The following PCDHGA6 variants were observed in gnomAD, a reference collection of about 807,000 sequenced individuals.
PCDHGA6 encodes the protein protocadherin gamma subfamily A, 6, also known as protocadherin gamma-A6.
Under a neutral mutation model 60.6 loss-of-function variants are expected in PCDHGA6, and 41 were observed. The observed-to-expected ratio is 0.68, with a 90% CI of 0.53 to 0.88. PCDHGA6 has a LOEUF of 0.88. Among genes scored for constraint, PCDHGA6 ranks in the 40% least tolerant of loss-of-function variants. The pLI, the probability that PCDHGA6 is intolerant of heterozygous loss-of-function variation, is 0.00. For missense variants in PCDHGA6, 1,312 were observed against 1,203.0 expected (o/e 1.09, Z -1.34); for synonymous variants, 594 against 524.4 (o/e 1.13, Z -1.81).
In PCDHGA6 at chr5:141,476,839, G is replaced by T; in HGVS notation, c.2425-17968G>T. The T allele has an allele frequency of 1.9e-6, 3 of 1,613,610 alleles. No individual in the cohort carries two copies. Among genetic ancestry groups the T allele is most frequent in the East Asian group, 2.2e-5 (1 of 44,862 alleles). ...AGGTGCTGGACGCGAATGACAATGC[G>T]CCTGTCTTCAACCAGTCCTTGTACC... On this transcript the variant is annotated intron_variant, in intron 1 of 3. Coordinates refer to ENST00000517434, the MANE Select transcript of PCDHGA6 (RefSeq NM_018919.3). This position sits in a 1 kb window ranked among gnomAD's most constrained non-coding sequence, Gnocchi z 7.6.
rs376213960 is a variant in PCDHGA6, at chr5:141,376,311, T to C, written c.2228T>C (p.Val743Ala). 1.8e-5 allele frequency: 29 copies of C among 1,613,880 alleles called. No homozygotes were observed. The highest frequency in any genetic ancestry group is 2.4e-5 in the Non-Finnish European group (28 of 1,180,020). The change falls in exon 1 of 4, where the codon GTG becomes GCG. Residue 743 changes from valine (V) to alanine (A), a missense_variant. Physicochemically the swap from Val to Ala is moderately conservative, Grantham distance 64. Coordinates refer to ENST00000517434, the MANE Select transcript of PCDHGA6 (RefSeq NM_018919.3). ...ASMPGSHFVG[V>A]EGVRAFLQTY... ...ATGCCCGGCTCGCACTTTGTGGGCGTGGAAGGGGTTCGGGCTTTCCTGCAG... is the reference window on the plus strand; with the variant it reads ...ATGCCCGGCTCGCACTTTGTGGGCGCGGAAGGGGTTCGGGCTTTCCTGCAG...
intron 2 of PCDHGA6, among the ~76,000 whole-genome samples, chr5:141,498,747 C>T (rs1363145286): frequency 6.6e-6 from 1 of 152,106 alleles, no homozygotes; most frequent in Non-Finnish European, 1.5e-5. Context: ...GCCTGGCCAA[C>T]ATGATGAAAC....
chr5:141,500,680 T>C (rs999167635), intron 2 of PCDHGA6, among the ~76,000 whole-genome samples: 7 of 152,224 alleles, frequency 4.6e-5, no homozygotes, highest in Non-Finnish European at 7.3e-5. Context: ...AACAGAATTA[T>C]AGCTTTTTTC....
At position 141,390,867 on chromosome 5, in the gene PCDHGA6, CGTGT is replaced by C. The variant is rs61319619; in HGVS notation, c.2424+14378_2424+14381del. The C allele has an allele frequency of 5.1e-4, 77 of 151,148 alleles. No homozygotes were observed. The East Asian group carries it at 6.0e-3, about 12-fold the overall frequency. 9.4% of individuals were successfully genotyped at this position (151,148 alleles called of 1,614,324 possible). A position where few individuals can be genotyped will look rare whatever the true frequency, so the allele number is the denominator to read the frequency against. On this transcript the variant is annotated intron_variant, in intron 1 of 3. Coordinates refer to ENST00000517434, the MANE Select transcript of PCDHGA6 (RefSeq NM_018919.3). ...TTATATGCAGTGTACGCTGTGTGTG[CGTGT>C]GTGTGTGTGTGTGTGTGAGAGAGAT...
intron 3 of PCDHGA6, among the ~76,000 whole-genome samples, chr5:141,505,793 GGACTTGGATC>G (rs2099848390): frequency 6.6e-6 from 1 of 152,142 alleles, no homozygotes; most frequent in Non-Finnish European, 1.5e-5. Flanking sequence ...ACTATCCTTG[GGACTTGGATC>G]GACTTGCTCA....
At position 141,491,660 on chromosome 5, in the gene PCDHGA6, C is replaced by G; in HGVS notation, c.2425-3147C>G. 6.2e-7 allele frequency: 1 copy of G among 1,613,810 alleles called. No individual in the cohort carries two copies. ...ACAGCTCTGGCGCTGGAGCCTGACG[C>G]CATCCGGTCCCGCTCTAATACGCTG... is the stretch of plus-strand genomic sequence containing the variant. On this transcript the variant is annotated intron_variant, in intron 1 of 3. Transcript: ENST00000517434. The surrounding 1 kb of genome is among the most constrained non-coding windows in gnomAD (Gnocchi z 6.9).
rs542248328 is a variant in PCDHGA6, at chr5:141,432,682, C to T, written c.2424+56175C>T. ...TGGACAGAGACGCGCTCAAGCAGAG[C>T]CTCGTAGTGGCCGTCCAGGACCACG... On this transcript the variant is annotated intron_variant, in intron 1 of 3. Coordinates refer to ENST00000517434, the MANE Select transcript of PCDHGA6 (RefSeq NM_018919.3). This position sits in a 1 kb window ranked among gnomAD's most constrained non-coding sequence, Gnocchi z 6.0. The T allele has an allele frequency of 6.5e-5, 105 of 1,613,976 alleles. No homozygotes were observed. In the African/African-American group the frequency reaches 1.1e-3, roughly 17 times the overall value.
chr5:141,432,964 G>A lies in PCDHGA6; in HGVS notation c.2424+56457G>A, dbSNP rs2097554835. On this transcript the variant is annotated intron_variant, in intron 1 of 3. Transcript: ENST00000517434. This position sits in a 1 kb window ranked among gnomAD's most constrained non-coding sequence, Gnocchi z 6.0. Reference sequence around the variant, plus strand: ...CTTCAGGAGGCGGCTTGACAGGAGCGCCGGCGTCGCACTTTGTGGGCGTGG... The same window carrying A: ...CTTCAGGAGGCGGCTTGACAGGAGCACCGGCGTCGCACTTTGTGGGCGTGG... The A allele has an allele frequency of 6.2e-7, 1 of 1,614,044 alleles. No homozygotes were observed. Among genetic ancestry groups the A allele is most frequent in the African/African-American group, 1.3e-5 (1 of 74,934 alleles).
At chr5:141,462,387 A>G (rs781355919) in intron 1 of PCDHGA6, among the ~76,000 whole-genome samples, 13 of 152,178 alleles carry the variant, frequency 8.5e-5, no homozygotes, top group Non-Finnish European at 1.3e-4. Context: ...AAATTCGTTA[A>G]CATTTCTTTT....
chr5:141,458,701 C>A (rs1057501287), intron 1 of PCDHGA6, among the ~76,000 whole-genome samples: 3 of 152,088 alleles, frequency 2.0e-5, no homozygotes, highest in Non-Finnish European at 2.9e-5. Context: ...TCCCGAGTAG[C>A]TGGGATTACA....
Position 141,374,091 on chromosome 5 carries a change from C to A in PCDHGA6, c.8C>A (p.Pro3His). ...GTTCCTAATAAGCCAGTAATGGCGC[C>A]TCCGCAGAGGCATCCGCAGCGCAGC... MA[P>H]PQRHPQRSEQ... Residue 3 changes from proline (P) to histidine (H), a missense_variant, in exon 1 of 4, where the codon CCT becomes CAT. Transcript: ENST00000517434. 6.5e-7 allele frequency: 1 copy of A among 1,536,766 alleles called. No individual in the cohort carries two copies. Among genetic ancestry groups the A allele is most frequent in the Non-Finnish European group, 8.8e-7 (1 of 1,142,754 alleles).
intron 1 of PCDHGA6, chr5:141,383,675 C>G: frequency 6.2e-7 from 1 of 1,614,006 alleles, no homozygotes; most frequent in Non-Finnish European, 8.5e-7. Flanking sequence ...CCAGTGGGTA[C>G]AAGACTGCTC....
chr5:141,398,048 G>T, intron 1 of PCDHGA6: 2 of 1,506,604 alleles, frequency 1.3e-6, no homozygotes, highest in South Asian at 1.3e-5. Flanking sequence ...CCCGTTCGGA[G>T]ATCCAAAAAT....
chr5:141,460,592 G>C (rs796171299), intron 1 of PCDHGA6, among the ~76,000 whole-genome samples: 12 of 151,976 alleles, frequency 7.9e-5, no homozygotes, highest in African/African-American at 2.9e-4. Flanking sequence ...GTTTTTTCTG[G>C]GCTCTCTGTG....
At chr5:141,400,769 T>C (rs2094071773) in intron 1 of PCDHGA6, 2 of 575,796 alleles carry the variant, frequency 3.5e-6, no homozygotes, top group Admixed American at 3.4e-5. Flanking sequence ...GCAAAAACAT[T>C]TGGTGCGTTT....
In PCDHGA6 at chr5:141,408,872, G is replaced by T. The variant is rs752537671; in HGVS notation, c.2424+32365G>T. 3.1e-6 allele frequency: 5 copies of T among 1,613,448 alleles called. No individual in the cohort carries two copies. The highest frequency in any genetic ancestry group is 4.2e-6 in the Non-Finnish European group (5 of 1,179,760). Reference sequence around the variant, plus strand: ...GGACGGAGGGGACCCACCAAGAAGTGCCACCGCTCACATAGAAATTTCTGT... The same window carrying T: ...GGACGGAGGGGACCCACCAAGAAGTTCCACCGCTCACATAGAAATTTCTGT... On this transcript the variant is annotated intron_variant, in intron 1 of 3. Transcript: ENST00000517434.
At chr5:141,427,857 G>A (rs746661329) in intron 1 of PCDHGA6, 36 of 1,554,574 alleles carry the variant, frequency 2.3e-5, no homozygotes, top group Non-Finnish European at 2.9e-5. Context: ...GCAGCTGTGC[G>A]CCTTCGAGCT....
chr5:141,505,322 G>A, intron 2 of PCDHGA6, 71 bp from the exon 3 acceptor site: 1 of 1,606,332 alleles, frequency 6.2e-7, no homozygotes, highest in African/African-American at 1.3e-5. Context: ...TGGGAGCCCT[G>A]GGAGAGGACA....
intron 1 of PCDHGA6, chr5:141,409,838 G>T: frequency 6.2e-7 from 1 of 1,611,532 alleles, no homozygotes; most frequent in Non-Finnish European, 8.5e-7. Context: ...CAGCGCCAAC[G>T]TGAGCCTGCG....
Sources: allele counts gnomAD v4.1 joint callset (sites outside exome capture counted in the v4.1 genomes callset), GRCh38; gene constraint gnomAD v4.1.1; non-coding constraint Gnocchi (gnomAD v3.1); transcripts MANE v1.5; gene names NCBI Gene and HGNC (gene_info 2026-07-23, HGNC 2026-07-21).